The following PCBP3 variants were observed in gnomAD, a reference collection of about 807,000 sequenced individuals.
PCBP3 encodes poly(rC) binding protein 3.
A neutral mutation model predicts 52.7 loss-of-function variants in PCBP3; 25 were observed. The observed-to-expected ratio is 0.47, with a 90% confidence interval of 0.35 to 0.66. The LOEUF is 0.66. Among genes scored for constraint, PCBP3 ranks in the 30% least tolerant of loss-of-function variants. The pLI, the probability that PCBP3 is intolerant of heterozygous loss-of-function variation, is 0.01. For missense variants in PCBP3, 391 were observed against 490.3 expected (o/e 0.80, Z 1.91); for synonymous variants, 162 against 183.0 (o/e 0.89, Z 0.93).
At chr21:45,843,484 TG>T (rs1340409123) in intron 4 of PCBP3, among the ~76,000 whole-genome samples, 2 of 152,240 alleles carry the variant, frequency 1.3e-5, no homozygotes, top group African/African-American at 2.4e-5. Context: ...ACTTTTTAAA[TG>T]GGATTCGTGA....
At chr21:45,812,113 A>G (rs1423352917) in intron 4 of PCBP3, among the ~76,000 whole-genome samples, 1 of 152,218 alleles carries the variant, frequency 6.6e-6, no homozygotes, top group Admixed American at 6.5e-5. Context: ...TTACAACAAT[A>G]TACTTCCATT....
chr21:45,918,098 G>C, intron 13 of PCBP3: 1 of 216,742 alleles, frequency 4.6e-6, no homozygotes, highest in Non-Finnish European at 9.2e-6. Context: ...AAAACATAGG[G>C]TCCATCTACA....
In PCBP3 at chr21:45,867,463, A is replaced by ACCTGCTACC. The variant is rs368707965; in HGVS notation, c.10+17379_10+17387dup. ...TGTGCCGCTACGGGGTCCCTGGCGCACCTGCTACCCCTGCTACCCGCATTC... is the reference window on the plus strand; with the variant it reads ...TGTGCCGCTACGGGGTCCCTGGCGCACCTGCTACCCCTGCTACCCCTGCTACCCGCATTC... On this transcript the variant is annotated intron_variant, in intron 5 of 17. Coordinates refer to ENST00000681687, the MANE Select transcript of PCBP3 (RefSeq NM_001384156.1). 3.9e-3 allele frequency among the ~76,000 whole-genome samples: 598 copies of ACCTGCTACC among 152,290 alleles called. 5 individuals are homozygous for ACCTGCTACC. Among genetic ancestry groups the ACCTGCTACC allele is most frequent in the African/African-American group, 0.013 (560 of 41,554 alleles).
At chr21:45,646,189 A>G (rs1284786869) in intron 1 of PCBP3, among the ~76,000 whole-genome samples, 2 of 149,260 alleles carry the variant, frequency 1.3e-5, no homozygotes, top group Admixed American at 6.8e-5. Flanking sequence ...AGTGTACTTT[A>G]AAATTAATTT....
chr21:45,846,106 G>A (rs921293938), intron 4 of PCBP3, among the ~76,000 whole-genome samples: 5 of 152,186 alleles, frequency 3.3e-5, no homozygotes, highest in African/African-American at 1.2e-4. Flanking sequence ...TGTGCGTGAG[G>A]TTGGAAGAGG....
At chr21:45,783,986 C>G (rs1433019062) in intron 4 of PCBP3, among the ~76,000 whole-genome samples, 2 of 152,160 alleles carry the variant, frequency 1.3e-5, no homozygotes, top group Admixed American at 6.5e-5. Context: ...AGTTTTAAAA[C>G]AGTAAAATGA....
intron 2 of PCBP3, among the ~76,000 whole-genome samples, chr21:45,703,151 TA>T (rs1276697379): frequency 2.6e-5 from 4 of 152,224 alleles, no homozygotes. Context: ...TGGAACCCCT[TA>T]AAGGCATCCG....
Position 45,795,053 on chromosome 21 carries a change from G to A in PCBP3, c.-126+39601G>A, listed in dbSNP as rs570458912. Among the ~76,000 whole-genome samples, 6 of 152,260 alleles carry A rather than the reference G, an allele frequency of 3.9e-5. No individual in the cohort carries two copies. In the South Asian group the frequency reaches 6.2e-4, roughly 16 times the overall value. ...GAAAAAGATGAAAGGCATTAAATGGGACAAAGATACTTCACGTTTATAATC... is the reference window on the plus strand; with the variant it reads ...GAAAAAGATGAAAGGCATTAAATGGAACAAAGATACTTCACGTTTATAATC... On this transcript the variant is annotated intron_variant, in intron 4 of 17. Transcript: ENST00000681687.
intron 5 of PCBP3, chr21:45,894,016 G>T (rs576808395): frequency 2.0e-6 from 2 of 985,528 alleles, no homozygotes; most frequent in South Asian, 4.7e-5. Context: ...CGGCATGGAC[G>T]GGTAGGTGCC....
chr21:45,875,477 T>C (rs2095227658), intron 5 of PCBP3, among the ~76,000 whole-genome samples: 1 of 152,188 alleles, frequency 6.6e-6, no homozygotes, highest in South Asian at 2.1e-4. Flanking sequence ...AAAACTCAAA[T>C]TCGATTAAAA....
chr21:45,681,175 A>G (rs1477536685), intron 2 of PCBP3, among the ~76,000 whole-genome samples: 1 of 152,192 alleles, frequency 6.6e-6, no homozygotes, highest in African/African-American at 2.4e-5. Context: ...CACCACTACA[A>G]TGGGGATTTA....
At chr21:45,914,196 G>T in intron 12 of PCBP3, 171 bp downstream of exon 12, 2 of 1,129,982 alleles carry the variant, frequency 1.8e-6, no homozygotes, top group East Asian at 2.8e-5. Flanking sequence ...GGACGCAGGG[G>T]GCCTTCAGAG....
intron 1 of PCBP3, among the ~76,000 whole-genome samples, chr21:45,654,950 A>G (rs1246622313): frequency 6.6e-6 from 1 of 152,212 alleles, no homozygotes. Context: ...GAAATTTCAT[A>G]TGAGTGGAAT....
At chr21:45,725,588 A>T (rs1001874129) in intron 2 of PCBP3, among the ~76,000 whole-genome samples, 1 of 152,206 alleles carries the variant, frequency 6.6e-6, no homozygotes, top group South Asian at 2.1e-4. Context: ...TCCCGGTCTC[A>T]GAGTGGCAGG....
At chr21:45,813,215 T>C (rs1329945597) in intron 4 of PCBP3, among the ~76,000 whole-genome samples, 1 of 152,234 alleles carries the variant, frequency 6.6e-6, no homozygotes, top group Non-Finnish European at 1.5e-5. Context: ...TTTTAAGCTT[T>C]TTTTTATCTA....
chr21:45,765,184 G>C (rs2089186283), intron 4 of PCBP3, among the ~76,000 whole-genome samples: 2 of 152,186 alleles, frequency 1.3e-5, no homozygotes, highest in Non-Finnish European at 2.9e-5. Context: ...AGAGGCATGA[G>C]CAGATATCCC....
intron 2 of PCBP3, among the ~76,000 whole-genome samples, chr21:45,731,994 C>G (rs2085491394): frequency 6.6e-6 from 1 of 151,862 alleles, no homozygotes; most frequent in Non-Finnish European, 1.5e-5. Flanking sequence ...TTTTGTAGAT[C>G]CAGATTTCCT....
intron 6 of PCBP3, among the ~76,000 whole-genome samples, chr21:45,896,634 A>G (rs113777286): frequency 1.4e-4 from 17 of 124,956 alleles, no homozygotes; most frequent in South Asian, 6.0e-4. Context: ...TAGGAAAGGC[A>G]GACATGGCAC....
intron 4 of PCBP3, among the ~76,000 whole-genome samples, chr21:45,787,926 A>G (rs1300799922): frequency 1.3e-5 from 2 of 152,332 alleles, no homozygotes; most frequent in Middle Eastern, 3.4e-3. Context: ...TAGCTCAGGT[A>G]ATGCTACCTG....
Sources: allele counts gnomAD v4.1 joint callset (sites outside exome capture counted in the v4.1 genomes callset), GRCh38; gene constraint gnomAD v4.1.1; transcripts MANE v1.5; gene names NCBI Gene and HGNC (gene_info 2026-07-23, HGNC 2026-07-21).